The following METTL6 variants were observed in gnomAD, a reference collection of about 807,000 sequenced individuals.
The protein encoded by METTL6 is methyltransferase 6, tRNA N3-cytidine, also known as tRNA N(3)-cytidine methyltransferase METTL6.
Under a neutral mutation model 26.4 loss-of-function variants are expected in METTL6, and 22 were observed. That is an observed-to-expected ratio of 0.83 (90% CI 0.59 to 1.19). The LOEUF is 1.19. Ranked by LOEUF, METTL6 falls within the 50% of genes most tolerant of loss-of-function variation. METTL6 has a pLI of 0.00. For synonymous variants in METTL6, 109 were observed against 116.2 expected (o/e 0.94, Z 0.40); for missense variants, 304 against 324.8 (o/e 0.94, Z 0.49).
At chr3:15,383,289 A>AT (rs997693484) in exon 7 of METTL6, 23 of 152,062 alleles carry the variant, frequency 1.5e-4, no homozygotes, top group Admixed American at 7.2e-4. Flanking sequence ...TTGGTGAGTG[A>AT]TTTTTTAGTT....
Position 15,411,401 on chromosome 3 carries a change from T to G in METTL6, c.710A>C (p.Glu237Ala). Residue 237 changes from glutamate (E) to alanine (A), a missense_variant, in exon 6 of 6, where the codon GAA becomes GCA. Glu to Ala is a moderately radical substitution (Grantham distance 107, BLOSUM62 -1). Coordinates refer to ENST00000383790, the MANE Select transcript of METTL6 (RefSeq NM_152396.4). Reference protein sequence around the residue: ...LAQLFMDTGYEEVVNEYVFRE... With the variant: ...LAQLFMDTGYAEVVNEYVFRE... ...AAACACATACTCGTTTACCACTTCT[T>G]CATAACCTGTGTCCATAAAGAGCTG... The G allele has an allele frequency of 6.2e-7, 1 of 1,614,150 alleles. No individual in the cohort carries two copies. The highest frequency in any genetic ancestry group is 2.2e-5 in the East Asian group (1 of 44,884).
intron 5 of METTL6, among the ~76,000 whole-genome samples, chr3:15,413,318 T>TC (rs1700051835): frequency 1.3e-5 from 2 of 152,188 alleles, no homozygotes; most frequent in Non-Finnish European, 2.9e-5. Flanking sequence ...CTAACACCTG[T>TC]AATCCCACCA....
At chr3:15,416,094 A>G in intron 3 of METTL6, 152 bp from the exon 4 acceptor site, 1 of 662,238 alleles carries the variant, frequency 1.5e-6, no homozygotes. Context: ...ATCACTCACT[A>G]TAAAGCATGT....
intron 6 of METTL6, among the ~76,000 whole-genome samples, chr3:15,388,578 T>C (rs1387702227): frequency 2.6e-5 from 4 of 152,302 alleles, no homozygotes; most frequent in East Asian, 1.9e-4. Flanking sequence ...AGTTTATCCA[T>C]CTGGGTGGTG....
intron 3 of METTL6, among the ~76,000 whole-genome samples, chr3:15,424,013 C>T (rs2125040148): frequency 6.6e-6 from 1 of 152,200 alleles, no homozygotes; most frequent in South Asian, 2.1e-4. Flanking sequence ...TTGAGACCAT[C>T]CTGGGCAACA....
chr3:15,407,443 C>T (rs111845675), downstream of METTL6, among the ~76,000 whole-genome samples: 1,154 of 152,268 alleles, frequency 7.6e-3, 22 homozygotes, highest in African/African-American at 0.027. Context: ...ACTGTTGGCC[C>T]CATTCACAGG....
intron 6 of METTL6, among the ~76,000 whole-genome samples, chr3:15,392,353 T>G (rs1278264502): frequency 6.6e-6 from 1 of 152,160 alleles, no homozygotes; most frequent in Non-Finnish European, 1.5e-5. Context: ...GTTGTTTTTT[T>G]TCTTGTAAAT....
intron 6 of METTL6, among the ~76,000 whole-genome samples, chr3:15,398,051 C>G (rs891226337): frequency 5.3e-5 from 8 of 152,086 alleles, no homozygotes; most frequent in Non-Finnish European, 1.0e-4. Context: ...CACCCACTGT[C>G]TAGCCACCCC....
chr3:15,424,625 C>CT (rs1334220765), intron 3 of METTL6, among the ~76,000 whole-genome samples: 79 of 152,132 alleles, frequency 5.2e-4, no homozygotes, highest in Non-Finnish European at 2.5e-4. Context: ...AGAAAAAGGC[C>CT]TTTTTTAAGG....
downstream of METTL6, among the ~76,000 whole-genome samples, chr3:15,408,977 C>G (rs1480029351): frequency 1.3e-5 from 2 of 152,086 alleles, no homozygotes; most frequent in African/African-American, 2.4e-5. Context: ...CAGCACTGGA[C>G]TGAAAGTGCG....
intron 2 of METTL6, 54 bp downstream of exon 2, chr3:15,426,233 C>T: frequency 1.3e-6 from 2 of 1,543,610 alleles, no homozygotes; most frequent in South Asian, 2.3e-5. Flanking sequence ...GCCATGGCAC[C>T]CTCTTCACAT....
At chr3:15,385,226 T>C (rs750169778) in intron 6 of METTL6, among the ~76,000 whole-genome samples, 1 of 152,214 alleles carries the variant, frequency 6.6e-6, no homozygotes, top group Non-Finnish European at 1.5e-5. Context: ...TTCCTGGAAT[T>C]TGTGATACAA....
chr3:15,389,271 T>C (rs867704374), intron 6 of METTL6, among the ~76,000 whole-genome samples: 1 of 151,968 alleles, frequency 6.6e-6, no homozygotes, highest in African/African-American at 2.4e-5. Flanking sequence ...TCTTTGGAAA[T>C]TGAGCCTGAG....
At position 15,411,176 on chromosome 3, in the gene METTL6, T is replaced by G; in HGVS notation, c.*80A>C. ...TCCCGAAGTGCTGGGATTACAGGCA[T>G]GAGCCACCGCACCCAGACGAAAGAG... On this transcript the variant is annotated 3_prime_UTR_variant, in exon 6 of 6. Coordinates refer to ENST00000383790, the MANE Select transcript of METTL6 (RefSeq NM_152396.4). 6.8e-5 allele frequency: 100 copies of G among 1,474,808 alleles called. No individual in the cohort carries two copies. Among genetic ancestry groups the G allele is most frequent in the Non-Finnish European group, 8.9e-5 (97 of 1,091,562 alleles). 91.4% of individuals were successfully genotyped at this position (1,474,808 alleles called of 1,614,324 possible). A position where few individuals can be genotyped will look rare whatever the true frequency, so the allele number is the denominator to read the frequency against.
chr3:15,425,447 G>A (rs962896120), intron 2 of METTL6, among the ~76,000 whole-genome samples: 13 of 152,170 alleles, frequency 8.5e-5, no homozygotes, highest in Non-Finnish European at 1.6e-4. Flanking sequence ...CACAGAGCCG[G>A]TATAAGGGTC....
intron 3 of METTL6, among the ~76,000 whole-genome samples, chr3:15,418,153 A>T (rs1267587256): frequency 6.6e-6 from 1 of 152,210 alleles, no homozygotes; most frequent in Non-Finnish European, 1.5e-5. Context: ...CTTTAACCAA[A>T]AAGTAGAAAA....
In METTL6 at chr3:15,396,961, G is replaced by A. The variant is rs554453564; in HGVS notation, c.*12-12774C>T. Among the ~76,000 whole-genome samples the A allele has an allele frequency of 1.7e-4, 26 of 152,318 alleles. No individual in the cohort carries two copies. In the South Asian group the frequency reaches 4.3e-3, roughly 25 times the overall value. The stretch of plus-strand genomic sequence containing the variant: ...ACCCACTTGAGGAGGCAGTCTGTCC[G>A]TTCTCAGATCTCCAGCTGCGTGCTG... On this transcript the variant is annotated intron_variant, in intron 6 of 6. Coordinates refer to the METTL6 transcript ENST00000443029.
rs2061688720 is a variant in METTL6 at position 15,425,106 on chromosome 3, C to T, written c.226-17G>A. On this transcript the variant is annotated splice_polypyrimidine_tract_variant and intron_variant, in intron 2 of 5. Transcript: ENST00000383790. ...ATCTTCAAACTGGGGAAAGACAGCTCAAAGTTATAGTATATCACATTTGCA... is the reference window on the plus strand; with the variant it reads ...ATCTTCAAACTGGGGAAAGACAGCTTAAAGTTATAGTATATCACATTTGCA... The T allele has an allele frequency of 1.2e-6, 2 of 1,613,376 alleles. No individual in the cohort carries two copies. The highest frequency in any genetic ancestry group is 2.2e-5 in the South Asian group (2 of 91,030).
chr3:15,422,660 A>G (rs910230492), intron 3 of METTL6, among the ~76,000 whole-genome samples: 3 of 152,286 alleles, frequency 2.0e-5, no homozygotes, highest in Admixed American at 2.0e-4. Context: ...CTTAAAAAAA[A>G]AGTTTAAATT....
Sources: allele counts gnomAD v4.1 joint callset (sites outside exome capture counted in the v4.1 genomes callset), GRCh38; gene constraint gnomAD v4.1.1; transcripts MANE v1.5; gene names NCBI Gene and HGNC (gene_info 2026-07-23, HGNC 2026-07-21).